The following LOC400499 variants were observed in gnomAD, a reference collection of about 807,000 sequenced individuals.
chr16:11,428,581 C>T, the LOC400499 span, among the ~76,000 whole-genome samples: 1 of 152,162 alleles, frequency 6.6e-6, no homozygotes, highest in Admixed American at 6.5e-5. Context: ...GAACAGAGGA[C>T]GCTCTCGTCA....
chr16:11,405,271 G>A, the LOC400499 span, among the ~76,000 whole-genome samples: 11 of 152,222 alleles, frequency 7.2e-5, no homozygotes, highest in African/African-American at 1.9e-4. Context: ...TAGGAGGCAC[G>A]CAGTTGGTAT....
chr16:11,449,590 C>T, the LOC400499 span, among the ~76,000 whole-genome samples: 1 of 152,192 alleles, frequency 6.6e-6, no homozygotes, highest in African/African-American at 2.4e-5. Flanking sequence ...CCCTGTTGGC[C>T]ACCATCCCTT....
At chr16:11,403,082 G>A in the LOC400499 span, among the ~76,000 whole-genome samples, 13 of 152,102 alleles carry the variant, frequency 8.5e-5, no homozygotes, top group South Asian at 2.5e-3. Context: ...CCTGACCTCC[G>A]ACATCACTTG....
the LOC400499 span, chr16:11,372,722 A>G: frequency 1.3e-5 from 13 of 983,046 alleles, no homozygotes; most frequent in Non-Finnish European, 1.5e-5. Flanking sequence ...TAGTGCTGGC[A>G]TAGACAAAAT....
chr16:11,476,315 C>T, the LOC400499 span, among the ~76,000 whole-genome samples: 8 of 151,970 alleles, frequency 5.3e-5, no homozygotes, highest in Admixed American at 5.2e-4. Flanking sequence ...AGAGTCACCT[C>T]CTTAGGGGTC....
the LOC400499 span, among the ~76,000 whole-genome samples, chr16:11,402,818 T>C: frequency 6.6e-6 from 1 of 151,996 alleles, no homozygotes; most frequent in Non-Finnish European, 1.5e-5. Context: ...TCGGAATACT[T>C]TGTTACCATC....
At chr16:11,477,744 T>A in the LOC400499 span, 4 of 397,672 alleles carry the variant, frequency 1.0e-5, no homozygotes, top group East Asian at 1.4e-4. Flanking sequence ...CATACGGATG[T>A]CACCCAGGCC....
chr16:11,451,160 G>A, the LOC400499 span, among the ~76,000 whole-genome samples: 1 of 152,210 alleles, frequency 6.6e-6, no homozygotes, highest in Non-Finnish European at 1.5e-5. Context: ...TAAGAGGGCT[G>A]GATATGCAGA....
chr16:11,482,520 T>G, the LOC400499 span, among the ~76,000 whole-genome samples: 2 of 152,254 alleles, frequency 1.3e-5, no homozygotes, highest in African/African-American at 4.8e-5. Flanking sequence ...TGCTATTTTT[T>G]GGAAGACACC....
At chr16:11,443,121 C>T in the LOC400499 span, among the ~76,000 whole-genome samples, 3 of 151,830 alleles carry the variant, frequency 2.0e-5, no homozygotes, top group South Asian at 4.2e-4. Context: ...GTCAGGAGCT[C>T]GAGACCAGCC....
the LOC400499 span, chr16:11,471,952 G>A: frequency 2.5e-6 from 1 of 397,450 alleles, no homozygotes; most frequent in East Asian, 3.6e-5. Context: ...ATGTAGACAG[G>A]ACTCCTGTGA....
At chr16:11,501,278 T>C in the LOC400499 span, among the ~76,000 whole-genome samples, 10 of 151,874 alleles carry the variant, frequency 6.6e-5, no homozygotes, top group African/African-American at 2.4e-4. Flanking sequence ...GGGGTAAAAA[T>C]CCCTAGCGGA....
chr16:11,384,265 G>A, the LOC400499 span: 198 of 1,232,220 alleles, frequency 1.6e-4, no homozygotes, highest in Admixed American at 3.4e-4. Flanking sequence ...AGAGCCATCC[G>A]GCAACATCAG....
At chr16:11,521,886 G>T in the LOC400499 span, 1 of 398,754 alleles carries the variant, frequency 2.5e-6, no homozygotes, top group Non-Finnish European at 4.4e-6. Context: ...GGAGGTAAGG[G>T]GCTGTGGCTT....
chr16:11,446,587 T>C, the LOC400499 span: 6 of 1,535,988 alleles, frequency 3.9e-6, no homozygotes, highest in Admixed American at 5.9e-5. Flanking sequence ...CCCCTCTGTG[T>C]TCCTGGGGAT....
the LOC400499 span, among the ~76,000 whole-genome samples, chr16:11,456,348 G>A: frequency 1.3e-4 from 19 of 150,776 alleles, no homozygotes; most frequent in Admixed American, 2.0e-4. Context: ...ATTCCCAGCC[G>A]GTGGATTCAT....
the LOC400499 span, among the ~76,000 whole-genome samples, chr16:11,445,023 A>C: frequency 2.0e-5 from 3 of 151,852 alleles, no homozygotes; most frequent in Admixed American, 1.3e-4. Context: ...TAGGAGGACA[A>C]GGCTACAGTG....
At chr16:11,384,348 G>A in the LOC400499 span, 2 of 1,210,102 alleles carry the variant, frequency 1.7e-6, no homozygotes, top group African/African-American at 1.6e-5. Context: ...GGGAAGCGGA[G>A]GCCGGCCGTA....
the LOC400499 span, among the ~76,000 whole-genome samples, chr16:11,483,148 T>G: frequency 6.6e-6 from 1 of 152,108 alleles, no homozygotes; most frequent in Non-Finnish European, 1.5e-5. Context: ...AATTAAAAAG[T>G]CTAACCATAT....
Sources: allele counts gnomAD v4.1 joint callset (sites outside exome capture counted in the v4.1 genomes callset), GRCh38; gene constraint gnomAD v4.1.1; transcripts MANE v1.5.